EDEM3: variants seen among roughly 807,000 people sequenced by gnomAD.
EDEM3 encodes the protein ER degradation enhancing alpha-mannosidase like protein 3.
Under a neutral mutation model 110.2 loss-of-function variants are expected in EDEM3, and 60 were observed. The ratio of observed to expected loss-of-function variants is 0.54; its 90% CI spans 0.44 to 0.67. The LOEUF (loss-of-function observed/expected upper bound fraction) is 0.67, where lower values mean the gene tolerates loss of function less well. EDEM3 is among the 30% of genes least tolerant of loss of function. The pLI is 0.00. For synonymous variants in EDEM3, 352 were observed against 382.9 expected, an observed-to-expected ratio of 0.92 and a Z score of 0.94; for missense variants, 996 against 1,121.0, an observed-to-expected ratio of 0.89 and a Z score of 1.59.
At chr1:184,709,268 T>G (rs533761280) in intron 16 of EDEM3, among the ~76,000 whole-genome samples, 3 of 151,882 alleles carry the variant, frequency 2.0e-5, no homozygotes, top group African/African-American at 7.3e-5. Context: ...GTATGAGAGG[T>G]AGATGAAAGT....
intron 19 of EDEM3, among the ~76,000 whole-genome samples, chr1:184,695,687 C>A (rs1320897995): frequency 6.6e-6 from 1 of 151,824 alleles, no homozygotes; most frequent in Non-Finnish European, 1.5e-5. Flanking sequence ...GGGTGCAGAA[C>A]CCACAGATAC....
chr1:184,719,807 C>A (rs1369919235), intron 9 of EDEM3, among the ~76,000 whole-genome samples: 1 of 152,194 alleles, frequency 6.6e-6, no homozygotes, highest in Non-Finnish European at 1.5e-5. Context: ...TAATATAGGA[C>A]CTTCTGAGAA....
intron 4 of EDEM3, among the ~76,000 whole-genome samples, chr1:184,735,927 C>T (rs149362927): frequency 8.5e-5 from 13 of 152,280 alleles, no homozygotes; most frequent in Non-Finnish European, 1.6e-4. Context: ...TGTAATCAGA[C>T]TCTTCCATAT....
chr1:184,750,748 T>G lies in EDEM3; in HGVS notation c.159-1156A>C, dbSNP rs12133674. Among the ~76,000 whole-genome samples the G allele has an allele frequency of 2.8e-3, 431 of 151,734 alleles. 5 individuals are homozygous for G. In the East Asian group the frequency reaches 0.035, roughly 12 times the overall value. Reference sequence around the variant, plus strand: ...GGCTGGTCTCGAACTCCTGACCTCATGTGATCCACCCGCCTCAGCCTCCCA... The same window carrying G: ...GGCTGGTCTCGAACTCCTGACCTCAGGTGATCCACCCGCCTCAGCCTCCCA... On this transcript the variant is annotated intron_variant, in intron 1 of 19. Transcript: ENST00000318130.
intron 15 of EDEM3, among the ~76,000 whole-genome samples, chr1:184,711,129 G>A (rs1027424533): frequency 6.6e-6 from 1 of 151,278 alleles, no homozygotes; most frequent in Non-Finnish European, 1.5e-5. Context: ...ATGGAGTTTC[G>A]CTCTTGTCAC....
intron 17 of EDEM3, among the ~76,000 whole-genome samples, chr1:184,707,273 A>ATC (rs962817087): frequency 6.6e-6 from 1 of 152,216 alleles, no homozygotes; most frequent in African/African-American, 2.4e-5. Context: ...AAATGGACTT[A>ATC]GTCTATATGA....
intron 16 of EDEM3, among the ~76,000 whole-genome samples, chr1:184,710,083 T>A (rs989614043): frequency 6.6e-6 from 1 of 152,200 alleles, no homozygotes; most frequent in African/African-American, 2.4e-5. Context: ...GAAGTTATGT[T>A]GTAAATAAAA....
At chr1:184,700,220 C>T (rs574912870) in intron 19 of EDEM3, among the ~76,000 whole-genome samples, 1 of 151,978 alleles carries the variant, frequency 6.6e-6, no homozygotes, top group African/African-American at 2.4e-5. Flanking sequence ...ATACTAATGG[C>T]ATGGACTTAT....
At chr1:184,749,106 T>C (rs1558074830) in intron 2 of EDEM3, among the ~76,000 whole-genome samples, 1 of 152,182 alleles carries the variant, frequency 6.6e-6, no homozygotes, top group Admixed American at 6.5e-5. Flanking sequence ...CAAAATATAT[T>C]CAGTGCAGAG....
intron 19 of EDEM3, among the ~76,000 whole-genome samples, chr1:184,696,083 C>A (rs913975880): frequency 6.6e-6 from 1 of 151,806 alleles, no homozygotes; most frequent in Non-Finnish European, 1.5e-5. Flanking sequence ...AAATGAAATG[C>A]AATTGTCTCA....
chr1:184,696,167 TCCTCAC>T (rs1404947751), intron 19 of EDEM3, among the ~76,000 whole-genome samples: 2 of 151,518 alleles, frequency 1.3e-5, no homozygotes, highest in African/African-American at 4.8e-5. Context: ...GAGACAGGGG[TCCTCAC>T]CACACCCAAA....
intron 19 of EDEM3, among the ~76,000 whole-genome samples, chr1:184,697,659 A>G (rs1649400284): frequency 6.6e-6 from 1 of 151,782 alleles, no homozygotes; most frequent in Non-Finnish European, 1.5e-5. Context: ...TCAATTGGAA[A>G]GACTCCTAAC....
chr1:184,710,278 CTT>C, intron 16 of EDEM3, 114 bp downstream of exon 16: 1 of 1,290,010 alleles, frequency 7.8e-7, no homozygotes, highest in Admixed American at 2.6e-5. Flanking sequence ...CATTCTCTCA[CTT>C]TAAACAGTAT....
At chr1:184,718,524 A>C (rs1650681906) in intron 11 of EDEM3, among the ~76,000 whole-genome samples, 2 of 152,136 alleles carry the variant, frequency 1.3e-5, no homozygotes, top group Admixed American at 6.6e-5. Flanking sequence ...TATCTCACAG[A>C]GGGTAGTCAA....
At chr1:184,706,868 A>G in intron 17 of EDEM3, 60 bp from the exon 18 acceptor site, 2 of 1,533,338 alleles carry the variant, frequency 1.3e-6, no homozygotes, top group Admixed American at 3.7e-5. Flanking sequence ...TCAAGTCATT[A>G]AACCTCAATA....
chr1:184,727,387 G>T (rs1651248792), intron 6 of EDEM3, among the ~76,000 whole-genome samples: 1 of 151,988 alleles, frequency 6.6e-6, no homozygotes, highest in Non-Finnish European at 1.5e-5. Flanking sequence ...AAAAAAGGAG[G>T]TATATGCCAA....
At chr1:184,733,126 AAC>A in intron 5 of EDEM3, 136 bp from the exon 6 acceptor site, 3 of 803,172 alleles carry the variant, frequency 3.7e-6, no homozygotes, top group Non-Finnish European at 5.5e-6. Flanking sequence ...TTATTTACTT[AAC>A]ACTGCTCATT....
chr1:184,754,554 C>T lies in EDEM3; in HGVS notation c.93G>A (p.Val31=), dbSNP rs748283921. ...LVAATAAFCL[V]SATSVWTAGA... The stretch of plus-strand genomic sequence containing the variant: ...CCGCCGTCCACACGGAGGTGGCCGA[C>T]ACCAGGCAGAACGCGGCCGTCGCCG... Residue 31 remains valine (V), a synonymous_variant, in exon 1 of 20, where the codon GTG becomes GTA. Coordinates refer to ENST00000318130, the MANE Select transcript of EDEM3 (RefSeq NM_025191.4). The T allele has an allele frequency of 1.2e-6, 2 of 1,612,706 alleles. No homozygotes were observed. Among genetic ancestry groups the T allele is most frequent in the South Asian group, 1.1e-5 (1 of 91,068 alleles).
intron 3 of EDEM3, 140 bp downstream of exon 3, chr1:184,737,469 AAT>A: frequency 1.5e-6 from 1 of 674,542 alleles, no homozygotes; most frequent in East Asian, 2.8e-5. Flanking sequence ...AACAGAAGGG[AAT>A]AAAGGAGCAT....
Sources: gnomAD v4.1 joint callset for allele counts (sites outside exome capture counted in the v4.1 genomes callset) on GRCh38, gnomAD v4.1.1 for gene constraint, MANE v1.5 for transcripts, NCBI Gene and HGNC (gene_info 2026-07-23, HGNC 2026-07-21) for gene names.